The following SPATA13 variants were observed in gnomAD, a reference collection of about 807,000 sequenced individuals.
SPATA13 encodes spermatogenesis associated 13.
A neutral mutation model predicts 104.0 loss-of-function variants in SPATA13; 50 were observed. That is an observed-to-expected ratio of 0.48 (90% CI 0.38 to 0.61). SPATA13 has a LOEUF of 0.61. Ranked by LOEUF, SPATA13 falls within the 20% of genes least tolerant of loss-of-function variation. SPATA13 has a pLI of 0.00. For synonymous variants in SPATA13, 606 were observed against 667.5 expected (o/e 0.91, Z 1.42); for missense variants, 1,524 against 1,690.6 (o/e 0.90, Z 1.73).
intron 1 of SPATA13, among the ~76,000 whole-genome samples, chr13:24,165,738 T>C (rs1256838876): frequency 6.6e-6 from 1 of 152,224 alleles, no homozygotes; most frequent in African/African-American, 2.4e-5. Context: ...ATCAGAACGT[T>C]GATCACATCT....
chr13:24,090,083 G>A (rs1283976956), intron 3 of SPATA13, among the ~76,000 whole-genome samples: 2 of 152,126 alleles, frequency 1.3e-5, no homozygotes, highest in Non-Finnish European at 2.9e-5. Context: ...AAGAATTTTG[G>A]GAAAGCTTCA....
chr13:24,285,888 T>C (rs778912320), intron 5 of SPATA13, among the ~76,000 whole-genome samples: 7 of 152,144 alleles, frequency 4.6e-5, no homozygotes, highest in Non-Finnish European at 1.0e-4. Flanking sequence ...ACCATCTTGG[T>C]TGGGCTGGTC....
rs929690691 is a variant in SPATA13, at chr13:24,250,669, A to G, written c.2019+827A>G. 3.9e-5 allele frequency among the ~76,000 whole-genome samples: 6 copies of G among 152,362 alleles called. No individual in the cohort carries two copies. The East Asian group carries it at 1.2e-3, about 29-fold the overall frequency. On this transcript the variant is annotated intron_variant, in intron 3 of 12. Transcript: ENST00000382108. ...CTACATTTTTCCTGTAAAGCCCCACACAATGCCTTGTCTATAACAAGCACT... is the reference window on the plus strand; with the variant it reads ...CTACATTTTTCCTGTAAAGCCCCACGCAATGCCTTGTCTATAACAAGCACT...
intron 3 of SPATA13, among the ~76,000 whole-genome samples, chr13:24,105,618 G>A (rs1011000831): frequency 6.6e-6 from 1 of 152,090 alleles, no homozygotes; most frequent in African/African-American, 2.4e-5. Context: ...CGGAGGATGT[G>A]CTTTAGAATA....
chr13:24,117,300 G>C lies in SPATA13; in HGVS notation c.-112+99599G>C, dbSNP rs75623268. On this transcript the variant is annotated intron_variant, in intron 3 of 14. Transcript: ENST00000424834. ...TGTCTGTGGTCTGATGTTAATTTTA[G>C]GAATTAGCCGTCACTGATTGGGCCT... 4.3e-3 allele frequency among the ~76,000 whole-genome samples: 650 copies of C among 152,136 alleles called. 12 individuals carry two copies. The East Asian group carries it at 0.07, about 16-fold the overall frequency.
intron 3 of SPATA13, among the ~76,000 whole-genome samples, chr13:24,063,925 T>C (rs1878862862): frequency 6.6e-6 from 1 of 152,170 alleles, no homozygotes; most frequent in Admixed American, 6.5e-5. Context: ...CCTGAGGTCT[T>C]CGTTCCCTGC....
rs543897117 is a variant in SPATA13 at position 24,096,600 on chromosome 13, A to G, written c.-112+78899A>G. 3.3e-5 allele frequency among the ~76,000 whole-genome samples: 5 copies of G among 152,286 alleles called. No homozygotes were observed. The East Asian group carries it at 7.7e-4, about 23-fold the overall frequency. ...AGTGAGACTCTGTCTAAAAAAAATAATAATAACAAGGGGGACCTAATTTGG... is the reference window on the plus strand; with the variant it reads ...AGTGAGACTCTGTCTAAAAAAAATAGTAATAACAAGGGGGACCTAATTTGG... On this transcript the variant is annotated intron_variant, in intron 3 of 14. Coordinates refer to the SPATA13 transcript ENST00000424834.
At chr13:24,142,367 A>G (rs1459451226) in intron 3 of SPATA13, among the ~76,000 whole-genome samples, 5 of 152,248 alleles carry the variant, frequency 3.3e-5, no homozygotes, top group African/African-American at 9.6e-5. Context: ...CAGTTGTCAA[A>G]CTAAACTGTT....
At chr13:24,019,520 G>A (rs1876879977) in intron 3 of SPATA13, among the ~76,000 whole-genome samples, 1 of 152,148 alleles carries the variant, frequency 6.6e-6, no homozygotes, top group Non-Finnish European at 1.5e-5. Flanking sequence ...CCATTACCTA[G>A]CCAAATATTT....
intron 2 of SPATA13, chr13:24,017,520 T>C (rs775652118): frequency 5.6e-6 from 1 of 178,722 alleles, no homozygotes; most frequent in Non-Finnish European, 1.1e-5. Flanking sequence ...TATGTATATG[T>C]AAGATATACA....
chr13:24,302,651 C>T lies in SPATA13; in HGVS notation c.3712C>T (p.Gln1238Ter). 6.2e-7 allele frequency: 1 copy of T among 1,613,966 alleles called. No homozygotes were observed. The highest frequency in any genetic ancestry group is 8.5e-7 in the Non-Finnish European group (1 of 1,179,952). Residue 1238 changes from glutamine to a stop codon, truncating the protein, a stop_gained, in exon 13 of 13, where the codon CAG becomes TAG. Transcript: ENST00000382108. LOFTEE classifies it high-confidence loss of function. ...PPHQGLHPIH[Q>*]RHITMPTSVP... ...GCACCAGGGCCTGCACCCCATCCAC[C>T]AGCGCCACATCACTATGCCCACAAG...
At chr13:24,293,187 T>C (rs1423030072) in intron 9 of SPATA13, among the ~76,000 whole-genome samples, 1 of 150,866 alleles carries the variant, frequency 6.6e-6, no homozygotes, top group African/African-American at 2.4e-5. Flanking sequence ...GAGAGCTATA[T>C]ATTTTTTTCT....
At chr13:24,137,030 C>A (rs1881596103) in intron 3 of SPATA13, among the ~76,000 whole-genome samples, 1 of 53,188 alleles carries the variant, frequency 1.9e-5, no homozygotes, top group Non-Finnish European at 4.0e-5. Context: ...CGGGGTTTCA[C>A]CGTTTTAGCC....
chr13:24,081,783 C>A (rs1879528656), intron 3 of SPATA13, among the ~76,000 whole-genome samples: 1 of 152,164 alleles, frequency 6.6e-6, no homozygotes, highest in Non-Finnish European at 1.5e-5. Flanking sequence ...GAGCTCATTC[C>A]CCTGTCGGCT....
At chr13:24,166,189 T>C in intron 1 of SPATA13, among the ~76,000 whole-genome samples, 1 of 152,242 alleles carries the variant, frequency 6.6e-6, no homozygotes. Flanking sequence ...ATCTTTTGTG[T>C]ACTAGATGCT....
At chr13:24,285,058 T>G (rs1465486912) in intron 5 of SPATA13, among the ~76,000 whole-genome samples, 1 of 152,116 alleles carries the variant, frequency 6.6e-6, no homozygotes, top group African/African-American at 2.4e-5. Context: ...TTTGGCATTC[T>G]TGAGCAGAAC....
chr13:24,212,315 G>T (rs547111511), intron 1 of SPATA13, among the ~76,000 whole-genome samples: 2 of 149,618 alleles, frequency 1.3e-5, no homozygotes, highest in East Asian at 3.9e-4. Context: ...AAAAAAAAAG[G>T]TCGAGGGAAA....
chr13:24,213,667 T>C (rs990827705), intron 1 of SPATA13, among the ~76,000 whole-genome samples: 17 of 152,260 alleles, frequency 1.1e-4, no homozygotes, highest in African/African-American at 4.1e-4. Context: ...GTTCATCTTT[T>C]CATAGAAGTA....
chr13:24,142,012 C>T (rs1881778802), intron 3 of SPATA13, among the ~76,000 whole-genome samples: 1 of 152,022 alleles, frequency 6.6e-6, no homozygotes, highest in South Asian at 2.1e-4. Flanking sequence ...CTACTTTTTC[C>T]TTTTTTCCAG....
Sources: allele counts gnomAD v4.1 joint callset (sites outside exome capture counted in the v4.1 genomes callset), GRCh38; gene constraint gnomAD v4.1.1; transcripts MANE v1.5; gene names NCBI Gene and HGNC (gene_info 2026-07-23, HGNC 2026-07-21).